Variants in PTPRK observed in about 807,000 individuals in gnomAD.
The protein encoded by PTPRK is receptor-type tyrosine-protein phosphatase kappa.
A neutral mutation model predicts 178.0 loss-of-function variants in PTPRK; 75 were observed. The ratio of observed to expected loss-of-function variants is 0.42; its 90% CI spans 0.35 to 0.51. The LOEUF is 0.51. PTPRK is among the 20% of genes least tolerant of loss of function. The pLI, the probability that PTPRK is intolerant of heterozygous loss-of-function variation, is 0.02. For synonymous variants in PTPRK, 637 were observed against 620.6 expected (o/e 1.03, Z -0.39); for missense variants, 1,441 against 1,797.8 (o/e 0.80, Z 3.59).
At chr6:128,112,697 T>C (rs1389092895) in intron 7 of PTPRK, among the ~76,000 whole-genome samples, 1 of 152,070 alleles carries the variant, frequency 6.6e-6, no homozygotes, top group East Asian at 1.9e-4. Flanking sequence ...ACTTACAAAA[T>C]ATCTCTAGGG....
intron 13 of PTPRK, among the ~76,000 whole-genome samples, chr6:128,059,460 A>G (rs991735259): frequency 6.6e-6 from 1 of 152,160 alleles, no homozygotes; most frequent in Non-Finnish European, 1.5e-5. Flanking sequence ...TTGAATATTG[A>G]TGATATAACC....
At chr6:128,200,948 G>A (rs923719945) in intron 6 of PTPRK, among the ~76,000 whole-genome samples, 5 of 147,986 alleles carry the variant, frequency 3.4e-5, no homozygotes, top group South Asian at 2.2e-4. Flanking sequence ...GGGACAGAGA[G>A]TCCAAAATTT....
At chr6:128,008,998 C>T (rs1778749580) in intron 14 of PTPRK, 132 bp downstream of exon 14, 2 of 722,594 alleles carry the variant, frequency 2.8e-6, no homozygotes, top group Admixed American at 3.2e-5. Context: ...GACTCAGGTG[C>T]TGACAACATT....
At chr6:128,363,107 C>A (rs1834993623) in intron 2 of PTPRK, among the ~76,000 whole-genome samples, 1 of 152,136 alleles carries the variant, frequency 6.6e-6, no homozygotes, top group African/African-American at 2.4e-5. Flanking sequence ...CCCTCTTCTG[C>A]AACATTTATT....
rs184251663 is a variant in PTPRK at position 128,248,536 on chromosome 6, A to G, written c.496-5934T>C. Among the ~76,000 whole-genome samples the G allele has an allele frequency of 3.9e-5, 6 of 152,308 alleles. No homozygotes were observed. In the East Asian group the frequency reaches 1.2e-3, roughly 29 times the overall value. On this transcript the variant is annotated intron_variant, in intron 3 of 29. Transcript: ENST00000368226. ...GAAGTACATGGCATCACAAAAGCTT[A>G]TTAATAAAAGAGTATCTAAAGGAGA...
chr6:128,397,900 C>T (rs797020737), intron 1 of PTPRK, among the ~76,000 whole-genome samples: 24 of 152,090 alleles, frequency 1.6e-4, no homozygotes, highest in African/African-American at 5.5e-4. Context: ...CCATTTGAGA[C>T]CCAGAAGGAA....
chr6:128,214,732 T>TCCAA (rs1808926306), intron 6 of PTPRK, among the ~76,000 whole-genome samples: 1 of 152,114 alleles, frequency 6.6e-6, no homozygotes, highest in Non-Finnish European at 1.5e-5. Context: ...ACGTGGATCT[T>TCCAA]TAATGACTTG....
chr6:128,233,897 C>A (rs1036519881), intron 5 of PTPRK, among the ~76,000 whole-genome samples: 1 of 152,216 alleles, frequency 6.6e-6, no homozygotes, highest in Non-Finnish European at 1.5e-5. Flanking sequence ...CTGCCCAATT[C>A]AATGATGCAG....
At chr6:128,272,217 T>G (rs1231401047) in intron 3 of PTPRK, among the ~76,000 whole-genome samples, 1 of 152,064 alleles carries the variant, frequency 6.6e-6, no homozygotes. Context: ...TCAAGATGGA[T>G]TAAAGACTTA....
chr6:128,223,194 CTTTA>C (rs1185325775), intron 5 of PTPRK, among the ~76,000 whole-genome samples: 2 of 151,558 alleles, frequency 1.3e-5, no homozygotes, highest in Admixed American at 6.6e-5. Context: ...TATATATTAT[CTTTA>C]TTTAGCGGGT....
chr6:127,980,988 T>A, intron 25 of PTPRK, 128 bp downstream of exon 25: 1 of 909,448 alleles, frequency 1.1e-6, no homozygotes, highest in Non-Finnish European at 1.6e-6. Flanking sequence ...AAAATGTGTT[T>A]CAATAAAAGT....
At chr6:128,226,785 T>A (rs1240398415) in intron 5 of PTPRK, among the ~76,000 whole-genome samples, 1 of 143,046 alleles carries the variant, frequency 7.0e-6, no homozygotes, top group Non-Finnish European at 1.5e-5. Flanking sequence ...TATATATATA[T>A]ATATATATAT....
chr6:128,083,068 C>T (rs1276897270), intron 9 of PTPRK, among the ~76,000 whole-genome samples: 1 of 152,036 alleles, frequency 6.6e-6, no homozygotes, highest in Admixed American at 6.6e-5. Flanking sequence ...AACACAGTTT[C>T]AAAATATAAC....
In PTPRK at chr6:128,342,175, C is replaced by A. The variant is rs1448174623; in HGVS notation, c.224-19865G>T. ...GGCTGGGGCAGAAGAATCGTCTGAG[C>A]CCGGGAGGCGGAGGTTGCAGTGAGC... On this transcript the variant is annotated intron_variant, in intron 2 of 29. Transcript: ENST00000368226. 2.6e-5 allele frequency among the ~76,000 whole-genome samples: 4 copies of A among 151,908 alleles called. No homozygotes were observed. The East Asian group carries it at 7.7e-4, about 29-fold the overall frequency.
At chr6:128,495,748 C>G (rs1050599357) in intron 1 of PTPRK, among the ~76,000 whole-genome samples, 1 of 152,148 alleles carries the variant, frequency 6.6e-6, no homozygotes, top group Non-Finnish European at 1.5e-5. Flanking sequence ...AAGTCGTCAT[C>G]GTTAGTTATA....
At chr6:127,991,414 AT>A in intron 19 of PTPRK, 23 bp from the exon 20 acceptor site, 3 of 1,529,550 alleles carry the variant, frequency 2.0e-6, no homozygotes, top group Non-Finnish European at 2.6e-6. Flanking sequence ...TAATTTGAAT[AT>A]TATGTTATCA....
intron 2 of PTPRK, among the ~76,000 whole-genome samples, chr6:128,324,725 A>C (rs1339192): frequency 0.97 from 147,760 of 152,164 alleles, 71,880 homozygotes; most frequent in East Asian, 1. Flanking sequence ...AAGGAGGAAG[A>C]AAGCACTAGC....
At chr6:128,506,500 A>T (rs1450345501) in intron 1 of PTPRK, among the ~76,000 whole-genome samples, 6 of 152,032 alleles carry the variant, frequency 3.9e-5, no homozygotes, top group Non-Finnish European at 8.8e-5. Flanking sequence ...CTACAAAAAA[A>T]TTTTTAAAAA....
chr6:128,172,522 C>T (rs916635723), intron 7 of PTPRK, among the ~76,000 whole-genome samples: 47 of 151,740 alleles, frequency 3.1e-4, no homozygotes, highest in Admixed American at 2.4e-3. Context: ...ATTACCAAAG[C>T]ACTCAAGTGT....
Sources: allele counts gnomAD v4.1 joint callset (sites outside exome capture counted in the v4.1 genomes callset), GRCh38; gene constraint gnomAD v4.1.1; transcripts MANE v1.5; gene names NCBI Gene and HGNC (gene_info 2026-07-23, HGNC 2026-07-21).